IFI35: variants seen among roughly 807,000 people sequenced by gnomAD.
IFI35 encodes interferon-induced 35 kDa protein.
A neutral mutation model predicts 28.6 loss-of-function variants in IFI35; 30 were observed. The observed-to-expected ratio is 1.05, with a 90% CI of 0.79 to 1.43. The LOEUF (loss-of-function observed/expected upper bound fraction) is 1.43, where lower values mean the gene tolerates loss of function less well. Among genes scored for constraint, IFI35 ranks in the 40% most tolerant of loss-of-function variants. The pLI is 0.00. For missense variants in IFI35, 372 were observed against 356.9 expected (o/e 1.04, Z -0.34); for synonymous variants, 146 against 154.8 (o/e 0.94, Z 0.42).
At chr17:43,013,943 T>C in intron 6 of IFI35, 61 bp downstream of exon 6, 2 of 1,384,622 alleles carry the variant, frequency 1.4e-6, no homozygotes, top group South Asian at 2.6e-5. Context: ...TGCCAGGAAC[T>C]TGCCCAATGA....
chr17:43,014,326 C>G lies in IFI35; in HGVS notation c.*27C>G, dbSNP rs780721062. The G allele has an allele frequency of 4.7e-6, 7 of 1,491,248 alleles. No homozygotes were observed. Among genetic ancestry groups the G allele is most frequent in the Non-Finnish European group, 5.4e-6 (6 of 1,113,738 alleles). The allele number at this position is 1,491,248 out of a possible 1,614,324, so 92.4% of individuals were successfully genotyped here. A position where few individuals can be genotyped will look rare whatever the true frequency, so the allele number is the denominator to read the frequency against. ...GGCCTCCCCTTCTCATCCTCCCCAC[C>G]CCCCCGCCAAGGTTCTCACACTGGC... On this transcript the variant is annotated 3_prime_UTR_variant, in exon 7 of 7. Coordinates refer to ENST00000415816, the MANE Select transcript of IFI35 (RefSeq NM_001330230.2).
At chr17:43,007,415 G>C (rs1368436480) in intron 1 of IFI35, among the ~76,000 whole-genome samples, 2 of 151,168 alleles carry the variant, frequency 1.3e-5, no homozygotes, top group Non-Finnish European at 2.9e-5. Flanking sequence ...TGAGACAGGA[G>C]AATCACTTGA....
Position 43,008,391 on chromosome 17 carries a change from C to A in IFI35, c.21+1423C>A, listed in dbSNP as rs376963703. ...GAGATGGAGTTTCACTCTTGTTGCC[C>A]AGGCTGAAGTGCAATAGCATGATCT... is the stretch of plus-strand genomic sequence containing the variant. On this transcript the variant is annotated intron_variant, in intron 1 of 6. Coordinates refer to ENST00000415816, the MANE Select transcript of IFI35 (RefSeq NM_001330230.2). Among the ~76,000 whole-genome samples the A allele has an allele frequency of 1.1e-4, 16 of 140,254 alleles. 1 individual carries two copies. Among genetic ancestry groups the A allele is most frequent in the African/African-American group, 4.3e-4 (16 of 37,152 alleles). 92.0% of individuals were successfully genotyped at this position (140,254 alleles called of 152,430 possible).
chr17:43,012,878 T>C (rs1022220316), intron 2 of IFI35, 169 bp from the exon 3 acceptor site: 2 of 708,812 alleles, frequency 2.8e-6, no homozygotes, highest in Non-Finnish European at 4.9e-6. Context: ...AGATGTTGTA[T>C]GTAAATTGCC....
chr17:43,011,938 C>T (rs547722204), intron 1 of IFI35: 15 of 308,098 alleles, frequency 4.9e-5, no homozygotes, highest in Middle Eastern at 9.5e-4. Context: ...TCTGTGGTCA[C>T]GAACAAGTCA....
In IFI35 at chr17:43,013,892, AG is replaced by A. The variant is rs1393648539; in HGVS notation, c.669+14del. On this transcript the variant is annotated intron_variant, in intron 6 of 6. Coordinates refer to ENST00000415816, the MANE Select transcript of IFI35 (RefSeq NM_001330230.2). ...GATCCAGAAGGCTGAGGTAAGCAGGAGGGGTGAAGAACAGGGGCTGGGCTGG... is the reference window on the plus strand; with the variant it reads ...GATCCAGAAGGCTGAGGTAAGCAGGAGGGTGAAGAACAGGGGCTGGGCTGG... 1.4e-5 allele frequency: 22 copies of A among 1,562,146 alleles called. No homozygotes were observed. The highest frequency in any genetic ancestry group is 1.8e-5 in the Non-Finnish European group (21 of 1,146,960).
chr17:43,012,319 G>C (rs2050467757), intron 2 of IFI35, 42 bp downstream of exon 2: 1 of 1,473,764 alleles, frequency 6.8e-7, no homozygotes, highest in African/African-American at 1.4e-5. Flanking sequence ...AAACGAGCTG[G>C]CGAGGCCGGG....
Position 43,014,097 on chromosome 17 carries a change from T to G in IFI35, c.670-11T>G. The G allele has an allele frequency of 6.2e-7, 1 of 1,612,550 alleles. No individual in the cohort carries two copies. The highest frequency in any genetic ancestry group is 8.5e-7 in the Non-Finnish European group (1 of 1,179,306). ...CCATGAGCCTTTGCCATCTCCTGGCTCCTTTTCCAGATCAGGTCGCAGCCA... is the reference window on the plus strand; with the variant it reads ...CCATGAGCCTTTGCCATCTCCTGGCGCCTTTTCCAGATCAGGTCGCAGCCA... On this transcript the variant is annotated splice_polypyrimidine_tract_variant and intron_variant, in intron 6 of 6. Transcript: ENST00000415816.
chr17:43,013,334 G>T lies in IFI35; in HGVS notation c.336G>T (p.Gln112His), dbSNP rs1334338311. 2 of 1,614,050 alleles carry T rather than the reference G, an allele frequency of 1.2e-6. No homozygotes were observed. Among genetic ancestry groups the T allele is most frequent in the Admixed American group, 1.7e-5 (1 of 59,998 alleles). ...TGGAGGAGTGCCGGCTGCGGGTGCA[G>T]GTCCAGCCCTTGGAGCTGCCCATGG... The part of the protein sequence containing the change: ...INMEECRLRV[Q>H]VQPLELPMVT... The change falls in exon 4 of 7, where the codon CAG becomes CAT. Residue 112 changes from glutamine to histidine, a missense_variant. Gln to His is a conservative substitution (Grantham distance 24, BLOSUM62 0). Transcript: ENST00000415816.
rs756488054 is a variant in IFI35, at chr17:43,013,792, C to T, written c.579C>T (p.Cys193=). 3.1e-6 allele frequency: 5 copies of T among 1,613,126 alleles called. No homozygotes were observed. Among genetic ancestry groups the T allele is most frequent in the Non-Finnish European group, 2.5e-6 (3 of 1,179,526 alleles). Residue 193 remains cysteine (C), a synonymous_variant, in exon 6 of 7, where the codon TGC becomes TGT. Coordinates refer to ENST00000415816, the MANE Select transcript of IFI35 (RefSeq NM_001330230.2). ...FARDGVAQRL[C]QIGQFTVPLG... is the part of the protein sequence containing the mutation. ...TCCCCACAGTGGCTCAGCGTCTGTG[C>T]CAAATCGGCCAGTTCACAGTGCCAC...
chr17:43,013,084 G>A lies in IFI35; in HGVS notation c.158G>A (p.Arg53Gln), dbSNP rs780267427. ...FSVPKIPLVF[R>Q]GHTQQDPEVP... is the part of the protein sequence containing the mutation. Reference sequence around the variant, plus strand: ...GTGCCCAAGATCCCCCTGGTATTCCGAGGACACACCCAGCAGGACCCGGAA... The same window carrying A: ...GTGCCCAAGATCCCCCTGGTATTCCAAGGACACACCCAGCAGGACCCGGAA... Residue 53 changes from arginine to glutamine, a missense_variant, in exon 3 of 7, where the codon CGA (arginine) becomes CAA (glutamine). Physicochemically the swap from Arg to Gln is conservative, Grantham distance 43. Coordinates refer to ENST00000415816, the MANE Select transcript of IFI35 (RefSeq NM_001330230.2). 1.8e-5 allele frequency: 29 copies of A among 1,613,884 alleles called. No homozygotes were observed. Among genetic ancestry groups the A allele is most frequent in the East Asian group, 4.5e-5 (2 of 44,866 alleles).
chr17:43,009,126 G>A (rs2050435491), intron 1 of IFI35, among the ~76,000 whole-genome samples: 1 of 151,872 alleles, frequency 6.6e-6, no homozygotes, highest in Non-Finnish European at 1.5e-5. Flanking sequence ...AGCCTCCCGA[G>A]TAGCTGGGAC....
chr17:43,014,194 G>C lies in IFI35; in HGVS notation c.756G>C (p.Glu252Asp). Reference protein sequence around the residue: ...LDGPELHDVLEIHFQKPTRGG... With the variant: ...LDGPELHDVLDIHFQKPTRGG... ...GCCCGGAGCTGCATGACGTCCTGGAGATCCACTTCCAGAAGCCCACCCGCG... is the reference window on the plus strand; with the variant it reads ...GCCCGGAGCTGCATGACGTCCTGGACATCCACTTCCAGAAGCCCACCCGCG... The change falls in exon 7 of 7, where the codon GAG (glutamate) becomes GAC (aspartate). Residue 252 changes from glutamate (E) to aspartate (D), a missense_variant. Coordinates refer to ENST00000415816, the MANE Select transcript of IFI35 (RefSeq NM_001330230.2). 1 of 1,613,958 alleles carries C rather than the reference G, an allele frequency of 6.2e-7. No homozygotes were observed. The highest frequency in any genetic ancestry group is 8.5e-7 in the Non-Finnish European group (1 of 1,179,896).
In IFI35 at chr17:43,013,596, G is replaced by C. The variant is rs1262704928; in HGVS notation, c.496G>C (p.Gly166Arg). ...EIFFGKTRNG[G>R]GDVDVRELLP... ...CTTCTTTGGCAAGACTAGGAACGGA[G>C]GTGGCGATGTGGACGTTCGGGAGCT... is the stretch of plus-strand genomic sequence containing the variant. The change falls in exon 5 of 7, where the codon GGT becomes CGT. Residue 166 changes from glycine to arginine, a missense_variant. By Grantham distance (125) the Gly-to-Arg change is moderately radical (BLOSUM62 -2). Coordinates refer to ENST00000415816, the MANE Select transcript of IFI35 (RefSeq NM_001330230.2). 8.1e-6 allele frequency: 13 copies of C among 1,614,076 alleles called. No individual in the cohort carries two copies. Among genetic ancestry groups the C allele is most frequent in the Non-Finnish European group, 1.1e-5 (13 of 1,180,030 alleles).
chr17:43,012,192 T>C lies in IFI35; in HGVS notation c.35T>C (p.Leu12Pro). 1 of 1,570,330 alleles carries C rather than the reference T, an allele frequency of 6.4e-7. No individual in the cohort carries two copies. Among genetic ancestry groups the C allele is most frequent in the Non-Finnish European group, 8.6e-7 (1 of 1,157,412 alleles). ...CTGCCCCAACAGGCCCTCCACGCCC[T>C]TCAGGAGGAGCAGGCCAGACTCAAG... is the stretch of plus-strand genomic sequence containing the variant. The part of the protein sequence containing the change: ...SAPLDAALHA[L>P]QEEQARLKMR... Residue 12 changes from leucine (L) to proline (P), a missense_variant, in exon 2 of 7, where the codon CTT becomes CCT. Leu to Pro is a moderately conservative substitution (Grantham distance 98, BLOSUM62 -3). Transcript: ENST00000415816.
chr17:43,007,144 C>T (rs939346415), intron 1 of IFI35, among the ~76,000 whole-genome samples, 176 bp downstream of exon 1: 2 of 152,182 alleles, frequency 1.3e-5, no homozygotes, highest in Admixed American at 1.3e-4. Context: ...GGTTCCCTAA[C>T]CTATTGCCTC....
Position 43,014,107 on chromosome 17 carries a change from G to A in IFI35, c.670-1G>A, listed in dbSNP as rs2050496951. On this transcript the variant is annotated splice_acceptor_variant, in intron 6 of 6. Coordinates refer to ENST00000415816, the MANE Select transcript of IFI35 (RefSeq NM_001330230.2). LOFTEE classifies it high-confidence loss of function. Reference sequence around the variant, plus strand: ...TTGCCATCTCCTGGCTCCTTTTCCAGATCAGGTCGCAGCCAGTTCCCCGCT... The same window carrying A: ...TTGCCATCTCCTGGCTCCTTTTCCAAATCAGGTCGCAGCCAGTTCCCCGCT... The A allele has an allele frequency of 1.2e-6, 2 of 1,613,488 alleles. No homozygotes were observed. The highest frequency in any genetic ancestry group is 1.3e-5 in the African/African-American group (1 of 74,876).
intron 1 of IFI35, among the ~76,000 whole-genome samples, chr17:43,011,659 G>T (rs1254243477): frequency 6.6e-6 from 1 of 152,202 alleles, no homozygotes; most frequent in East Asian, 1.9e-4. Flanking sequence ...CTGGCATATA[G>T]TAAGTACTTA....
intron 1 of IFI35, among the ~76,000 whole-genome samples, chr17:43,011,291 G>C (rs1281230746): frequency 6.6e-6 from 1 of 152,156 alleles, no homozygotes; most frequent in African/African-American, 2.4e-5. Context: ...GGCCGAGGCG[G>C]GCAGATCATC....
Sources: gnomAD v4.1 joint callset for allele counts (sites outside exome capture counted in the v4.1 genomes callset) on GRCh38, gnomAD v4.1.1 for gene constraint, MANE v1.5 for transcripts, NCBI Gene and HGNC (gene_info 2026-07-23, HGNC 2026-07-21) for gene names.